Variants in ARRDC1 observed in about 807,000 individuals in gnomAD.
ARRDC1 encodes arrestin domain containing 1, also known as arrestin domain-containing protein 1.
Under a neutral mutation model 40.1 loss-of-function variants are expected in ARRDC1, and 37 were observed. The ratio of observed to expected loss-of-function variants is 0.92; its 90% CI spans 0.71 to 1.21. ARRDC1 has a LOEUF of 1.21. Ranked by LOEUF, ARRDC1 falls within the 50% of genes most tolerant of loss-of-function variation. The pLI is 0.00. For synonymous variants in ARRDC1, 310 were observed against 262.5 expected (o/e 1.18, Z -1.75); for missense variants, 641 against 581.9 (o/e 1.10, Z -1.04).
intron 1 of ARRDC1, among the ~76,000 whole-genome samples, chr9:137,608,261 G>C (rs1473450704): frequency 6.6e-6 from 1 of 152,232 alleles, no homozygotes; most frequent in African/African-American, 2.4e-5. Flanking sequence ...GATTACAGGC[G>C]TGAGCCACCG....
chr9:137,614,647 C>T lies in ARRDC1; in HGVS notation c.884C>T (p.Pro295Leu), dbSNP rs1842627058. ...AACCATGCCCCAGTGAGCCCCCGGC[C>T]AGGCCTGGGGCTGCCTCCTGGGGCC... ...AVNHAPVSPR[P>L]GLGLPPGAPP... The change falls in exon 7 of 8, where the codon CCA (proline) becomes CTA (leucine). Residue 295 changes from proline (P) to leucine (L), a missense_variant. Coordinates refer to ENST00000371421, the MANE Select transcript of ARRDC1 (RefSeq NM_152285.4). 1 of 1,612,908 alleles carries T rather than the reference C, an allele frequency of 6.2e-7. No homozygotes were observed. Among genetic ancestry groups the T allele is most frequent in the Non-Finnish European group, 8.5e-7 (1 of 1,179,866 alleles).
chr9:137,612,628 A>T (rs944261380), intron 1 of ARRDC1: 1 of 389,714 alleles, frequency 2.6e-6, no homozygotes, highest in African/African-American at 2.1e-5. Flanking sequence ...CATCATCTGG[A>T]TGAGCGTTGG....
At chr9:137,613,593 C>T (rs748304369) in intron 3 of ARRDC1, 22 bp from the exon 4 acceptor site, 6 of 1,614,156 alleles carry the variant, frequency 3.7e-6, no homozygotes, top group South Asian at 3.3e-5. Context: ...CAGCCAGGTA[C>T]CAGTGCCTGC....
In ARRDC1 at chr9:137,615,213, C is replaced by A; in HGVS notation, c.*75C>A. The A allele has an allele frequency of 7.3e-7, 1 of 1,371,756 alleles. No homozygotes were observed. Among genetic ancestry groups the A allele is most frequent in the Non-Finnish European group, 9.7e-7 (1 of 1,035,714 alleles). 85.0% of individuals were successfully genotyped at this position (1,371,756 alleles called of 1,614,324 possible). ...GCGCCCAGGGCCTCGTGCCTTCTCT[C>A]TTGGCCTAGCCTGGCCCACTCAGGA... On this transcript the variant is annotated 3_prime_UTR_variant, in exon 8 of 8. Coordinates refer to ENST00000371421, the MANE Select transcript of ARRDC1 (RefSeq NM_152285.4).
chr9:137,611,487 A>T (rs1267866906), intron 1 of ARRDC1: 1 of 152,274 alleles, frequency 6.6e-6, no homozygotes, highest in Non-Finnish European at 1.5e-5. Context: ...TGAACACAGG[A>T]GGTTAAGGCT....
intron 1 of ARRDC1, among the ~76,000 whole-genome samples, chr9:137,606,541 G>C (rs1366379592): frequency 6.6e-6 from 1 of 152,258 alleles, no homozygotes; most frequent in East Asian, 1.9e-4. Context: ...GGGCCCGCGC[G>C]TGGGTAACAG....
intron 1 of ARRDC1, among the ~76,000 whole-genome samples, chr9:137,611,231 C>T (rs1007362688): frequency 6.6e-6 from 1 of 152,136 alleles, no homozygotes; most frequent in African/African-American, 2.4e-5. Context: ...CCGAGGAGGG[C>T]CTGGCTAACA....
chr9:137,614,573 G>T lies in ARRDC1; in HGVS notation c.810G>T (p.Ala270=). ...ATCCTGTCCAGGTCTCTCTGAAGGC[G>T]CCGGAAGCTACTGTGACCCTCCCGG... The part of the protein sequence containing the change: ...IDYYLQVSLK[A]PEATVTLPVF... Residue 270 remains alanine (A), a synonymous_variant, in exon 7 of 8, where the codon GCG becomes GCT. Transcript: ENST00000371421. The T allele has an allele frequency of 6.2e-7, 1 of 1,612,976 alleles. No homozygotes were observed. The highest frequency in any genetic ancestry group is 1.3e-5 in the African/African-American group (1 of 75,012).
chr9:137,614,899 G>C lies in ARRDC1; in HGVS notation c.1136G>C (p.Gly379Ala). 1 of 1,613,820 alleles carries C rather than the reference G, an allele frequency of 6.2e-7. No individual in the cohort carries two copies. The highest frequency in any genetic ancestry group is 8.5e-7 in the Non-Finnish European group (1 of 1,179,998). Residue 379 changes from glycine (G) to alanine (A), a missense_variant, in exon 7 of 8, where the codon GGT (glycine) becomes GCT (alanine). Gly to Ala is a moderately conservative substitution (Grantham distance 60). Transcript: ENST00000371421. Reference protein sequence around the residue: ...PLHPPLCISTGATVPYFAEGS... With the variant: ...PLHPPLCISTAATVPYFAEGS... ...CACCCTCCCTTGTGCATTTCAACAGGTGCCACTGTCCCCTACTTTGCAGAG... is the reference window on the plus strand; with the variant it reads ...CACCCTCCCTTGTGCATTTCAACAGCTGCCACTGTCCCCTACTTTGCAGAG...
At chr9:137,613,136 G>A (rs779593738) in intron 2 of ARRDC1, 130 bp downstream of exon 2, 6 of 844,196 alleles carry the variant, frequency 7.1e-6, no homozygotes, top group South Asian at 5.8e-5. Context: ...TTGTCCCAGG[G>A]TTGTGGGCCC....
Position 137,614,390 on chromosome 9 carries a change from A to G in ARRDC1, c.710A>G (p.Gln237Arg). 1.2e-6 allele frequency: 2 copies of G among 1,613,030 alleles called. No homozygotes were observed. The highest frequency in any genetic ancestry group is 1.7e-6 in the Non-Finnish European group (2 of 1,179,854). ...GAGVKAWRRA[Q>R]WHEQILVPAL... Reference sequence around the variant, plus strand: ...GGCGTCAAGGCCTGGCGGCGGGCGCAGTGGCACGAGCAGATCCTGGTGCCT... The same window carrying G: ...GGCGTCAAGGCCTGGCGGCGGGCGCGGTGGCACGAGCAGATCCTGGTGCCT... The change falls in exon 6 of 8, where the codon CAG (glutamine) becomes CGG (arginine). Residue 237 changes from glutamine (Q) to arginine (R), a missense_variant. Coordinates refer to ENST00000371421, the MANE Select transcript of ARRDC1 (RefSeq NM_152285.4).
chr9:137,606,039 C>G (rs1372277424), intron 1 of ARRDC1, among the ~76,000 whole-genome samples: 1 of 151,396 alleles, frequency 6.6e-6, no homozygotes, highest in African/African-American at 2.4e-5. Context: ...GCCCTCTCGC[C>G]GAGGGGCGGC....
At chr9:137,614,536 T>C (rs1317269523) in intron 6 of ARRDC1, 23 bp from the exon 7 acceptor site, 2 of 1,613,032 alleles carry the variant, frequency 1.2e-6, no homozygotes. Context: ...TGGCCCCTCA[T>C]GCCCCACCTC....
At chr9:137,608,527 C>T (rs1057091991) in intron 1 of ARRDC1, among the ~76,000 whole-genome samples, 8 of 152,214 alleles carry the variant, frequency 5.3e-5, no homozygotes, top group South Asian at 2.1e-4. Flanking sequence ...GGAGCGGGGT[C>T]GTATGCCGCC....
intron 2 of ARRDC1, 160 bp downstream of exon 2, chr9:137,613,166 G>C: frequency 1.3e-6 from 1 of 768,012 alleles, no homozygotes; most frequent in African/African-American, 1.7e-5. Flanking sequence ...TCTCATAGGC[G>C]CTGGGTGGCT....
At chr9:137,609,460 C>T (rs543524543) in intron 1 of ARRDC1, among the ~76,000 whole-genome samples, 4 of 152,054 alleles carry the variant, frequency 2.6e-5, no homozygotes, top group Admixed American at 6.5e-5. Flanking sequence ...CCTGGAACTC[C>T]GAACCTCAGG....
At chr9:137,613,200 C>A (rs558165534) in intron 2 of ARRDC1, 194 bp downstream of exon 2, 1 of 741,766 alleles carries the variant, frequency 1.3e-6, no homozygotes, top group Non-Finnish European at 2.4e-6. Flanking sequence ...CCCCCTTGTG[C>A]TGGATTTGGG....
At chr9:137,612,787 A>C in intron 1 of ARRDC1, 109 bp from the exon 2 acceptor site, 2 of 780,398 alleles carry the variant, frequency 2.6e-6, no homozygotes, top group Non-Finnish European at 4.3e-6. Context: ...CCTTCCCAGG[A>C]CCCTGCCCAG....
In ARRDC1 at chr9:137,614,570, G is replaced by A; in HGVS notation, c.807G>A (p.Lys269=). 4 of 1,613,056 alleles carry A rather than the reference G, an allele frequency of 2.5e-6. No homozygotes were observed. Among genetic ancestry groups the A allele is most frequent in the Non-Finnish European group, 3.4e-6 (4 of 1,179,924 alleles). ...TCAATCCTGTCCAGGTCTCTCTGAAGGCGCCGGAAGCTACTGTGACCCTCC... is the reference window on the plus strand; with the variant it reads ...TCAATCCTGTCCAGGTCTCTCTGAAAGCGCCGGAAGCTACTGTGACCCTCC... ...HIDYYLQVSL[K]APEATVTLPV... Residue 269 remains lysine (K), a synonymous_variant, in exon 7 of 8, where the codon AAG becomes AAA. Transcript: ENST00000371421.
Sources: gnomAD v4.1 joint callset for allele counts (sites outside exome capture counted in the v4.1 genomes callset) on GRCh38, gnomAD v4.1.1 for gene constraint, MANE v1.5 for transcripts, NCBI Gene and HGNC (gene_info 2026-07-23, HGNC 2026-07-21) for gene names.